The following WDR72 variants were observed in gnomAD, a reference collection of about 807,000 sequenced individuals.
WDR72 encodes the protein WD repeat domain 72.
A neutral mutation model predicts 124.2 loss-of-function variants in WDR72; 120 were observed. The observed-to-expected ratio is 0.97, with a 90% confidence interval of 0.83 to 1.12. WDR72 has a LOEUF of 1.12. Among genes scored for constraint, WDR72 ranks in the 50% most tolerant of loss-of-function variants. The probability of loss-of-function intolerance (pLI) is 0.00; values close to 1 mark genes in which losing one functional copy is unlikely to be tolerated. For synonymous variants in WDR72, 452 were observed against 441.7 expected (o/e 1.02, Z -0.29); for missense variants, 1,387 against 1,278.8 (o/e 1.08, Z -1.29).
At chr15:53,728,134 C>T (rs1480687344) in intron 2 of WDR72, among the ~76,000 whole-genome samples, 40 of 152,184 alleles carry the variant, frequency 2.6e-4, no homozygotes, top group Non-Finnish European at 1.3e-4. Context: ...ACTTACAGTT[C>T]CACATGGCTG....
chr15:53,645,116 G>C (rs1002726458), intron 14 of WDR72, among the ~76,000 whole-genome samples: 1 of 152,002 alleles, frequency 6.6e-6, no homozygotes, highest in African/African-American at 2.4e-5. Context: ...CTGCTTTAGC[G>C]AACTGTATCT....
intron 1 of WDR72, among the ~76,000 whole-genome samples, chr15:53,742,109 C>T (rs1248620093): frequency 6.6e-6 from 1 of 152,166 alleles, no homozygotes; most frequent in Non-Finnish European, 1.5e-5. Context: ...GGAGAAAGAA[C>T]TGATTAAAAG....
At chr15:53,651,946 C>A (rs1364541800) in intron 14 of WDR72, 1 of 152,232 alleles carries the variant, frequency 6.6e-6, no homozygotes, top group Non-Finnish European at 1.5e-5. Flanking sequence ...AGCCACTGCG[C>A]CCAGTCCATA....
At chr15:53,746,469 A>C (rs1410048624) in intron 1 of WDR72, among the ~76,000 whole-genome samples, 1 of 152,230 alleles carries the variant, frequency 6.6e-6, no homozygotes, top group Non-Finnish European at 1.5e-5. Context: ...TGACAATAAC[A>C]TCCTAACCAG....
At chr15:53,600,542 A>G (rs2012998769) in intron 17 of WDR72, among the ~76,000 whole-genome samples, 1 of 152,170 alleles carries the variant, frequency 6.6e-6, no homozygotes, top group South Asian at 2.1e-4. Context: ...ATGCTTATTA[A>G]CTAAAGGTAT....
chr15:53,748,433 G>A (rs1197528214), intron 1 of WDR72, among the ~76,000 whole-genome samples: 1 of 152,038 alleles, frequency 6.6e-6, no homozygotes, highest in African/African-American at 2.4e-5. Context: ...AAAATCATGA[G>A]GTTTAATGTA....
intron 1 of WDR72, among the ~76,000 whole-genome samples, chr15:53,739,246 G>A (rs139311682): frequency 1.3e-5 from 2 of 152,054 alleles, no homozygotes; most frequent in African/African-American, 4.8e-5. Context: ...AAAGTGAATC[G>A]GCAAAGAGAA....
At chr15:53,756,672 A>G (rs2018916125) in intron 1 of WDR72, 1 of 152,204 alleles carries the variant, frequency 6.6e-6, no homozygotes. Context: ...CTTACTGACT[A>G]TATGTTAAGT....
At chr15:53,694,329 C>T (rs2016935658) in intron 13 of WDR72, among the ~76,000 whole-genome samples, 1 of 152,198 alleles carries the variant, frequency 6.6e-6, no homozygotes, top group South Asian at 2.1e-4. Context: ...ATAGCTTTTG[C>T]TTCTCCTCCC....
intron 11 of WDR72, among the ~76,000 whole-genome samples, chr15:53,703,609 A>G (rs1170196801): frequency 1.3e-5 from 2 of 152,000 alleles, no homozygotes; most frequent in Admixed American, 6.6e-5. Flanking sequence ...TCTGCTTGGC[A>G]CTTGGTAGGC....
intron 18 of WDR72, among the ~76,000 whole-genome samples, chr15:53,539,861 A>G (rs1021166983): frequency 8.5e-5 from 13 of 152,214 alleles, no homozygotes; most frequent in African/African-American, 3.1e-4. Flanking sequence ...AGATTGACTA[A>G]CAAAGTAAAA....
At chr15:53,555,636 C>T (rs188622223) in intron 18 of WDR72, among the ~76,000 whole-genome samples, 24 of 152,080 alleles carry the variant, frequency 1.6e-4, no homozygotes, top group African/African-American at 4.6e-4. Flanking sequence ...ATATTTCACT[C>T]GACTCTCCTA....
chr15:53,599,012 T>C (rs1906446), intron 17 of WDR72, among the ~76,000 whole-genome samples: 47,219 of 151,682 alleles, frequency 0.31, 7,523 homozygotes, highest in Admixed American at 0.4. Flanking sequence ...TAGTCCTGGC[T>C]ACTCAGGAGG....
chr15:53,689,210 C>A (rs1253368490), intron 13 of WDR72, among the ~76,000 whole-genome samples: 7 of 151,898 alleles, frequency 4.6e-5, no homozygotes, highest in Non-Finnish European at 7.3e-5. Context: ...CCAAAATTGA[C>A]AAATGGGATC....
In WDR72 at chr15:53,710,762, A is replaced by G. The variant is rs1294411029; in HGVS notation, c.954+95T>C. 7 of 1,056,868 alleles carry G rather than the reference A, an allele frequency of 6.6e-6. No homozygotes were observed. The South Asian group carries it at 7.8e-5, about 12-fold the overall frequency. 65.5% of individuals were successfully genotyped at this position (1,056,868 alleles called of 1,614,324 possible). On this transcript the variant is annotated intron_variant, in intron 9 of 19. Transcript: ENST00000360509. ...CAACTTGATGGGATGCTTCAATTCA[A>G]TTTTTTCAAGCCTGATTCTGTGACA...
At chr15:53,693,133 G>A (rs948097091) in intron 13 of WDR72, among the ~76,000 whole-genome samples, 1 of 152,170 alleles carries the variant, frequency 6.6e-6, no homozygotes, top group African/African-American at 2.4e-5. Context: ...CTACAAAGCG[G>A]TGACCTTGAG....
At chr15:53,582,114 A>T (rs924634513) in intron 18 of WDR72, among the ~76,000 whole-genome samples, 2 of 151,946 alleles carry the variant, frequency 1.3e-5, no homozygotes, top group African/African-American at 4.8e-5. Context: ...GCTTTGTACC[A>T]TTAGTCACTC....
At chr15:53,749,791 A>C (rs1378263738) in intron 1 of WDR72, among the ~76,000 whole-genome samples, 1 of 152,186 alleles carries the variant, frequency 6.6e-6, no homozygotes, top group African/African-American at 2.4e-5. Flanking sequence ...GATATGGAGA[A>C]AGTTTTAATG....
chr15:53,649,366 G>A (rs557635290), intron 14 of WDR72, among the ~76,000 whole-genome samples: 1 of 152,118 alleles, frequency 6.6e-6, no homozygotes, highest in South Asian at 2.1e-4. Context: ...TAAATTAATG[G>A]GAATTTTAAT....
Sources: allele counts gnomAD v4.1 joint callset (sites outside exome capture counted in the v4.1 genomes callset), GRCh38; gene constraint gnomAD v4.1.1; transcripts MANE v1.5; gene names NCBI Gene and HGNC (gene_info 2026-07-23, HGNC 2026-07-21).